SORBS3: variants seen among roughly 807,000 people sequenced by gnomAD.
The protein encoded by SORBS3 is vinexin.
A neutral mutation model predicts 98.0 loss-of-function variants in SORBS3; 69 were observed. The observed-to-expected ratio is 0.70, with a 90% CI of 0.58 to 0.86. The LOEUF (loss-of-function observed/expected upper bound fraction) is 0.86. Among genes scored for constraint, SORBS3 ranks in the 40% least tolerant of loss-of-function variants. SORBS3 has a pLI of 0.00. For synonymous variants in SORBS3, 394 were observed against 355.4 expected, an observed-to-expected ratio of 1.11 and a Z score of -1.22; for missense variants, 954 against 908.5, an observed-to-expected ratio of 1.05 and a Z score of -0.64.
chr8:22,561,656 G>A, intron 6 of SORBS3: 1 of 617,486 alleles, frequency 1.6e-6, no homozygotes, highest in Non-Finnish European at 2.9e-6. Flanking sequence ...CCTACTCGGA[G>A]TTGTTTTGAA....
Position 22,570,957 on chromosome 8 carries a change from G to A in SORBS3, c.1479G>A (p.Glu493=), listed in dbSNP as rs745635824. 17 of 1,612,896 alleles carry A rather than the reference G, an allele frequency of 1.1e-5. No homozygotes were observed. The African/African-American group carries it at 1.9e-4, about 18-fold the overall frequency. The change falls in exon 18 of 21, where the codon GAG becomes GAA. Residue 493 remains glutamate (E), a synonymous_variant. Transcript: ENST00000240123. ...LIRKVNENWY[E]GRITGTGRQG... is the part of the protein sequence containing the mutation. ...GCAAGGTGAACGAGAACTGGTACGA[G>A]GGACGCATCACGGGCACGGGGCGCC...
In SORBS3 at chr8:22,554,388, G is replaced by A. The variant is rs1586889074; in HGVS notation, c.-55-64G>A. Reference sequence around the variant, plus strand: ...GCCCCTCCTCCCCTATCCCAGGGTCGAGCCAAGAGGGCATGGGCAGCCTAG... The same window carrying A: ...GCCCCTCCTCCCCTATCCCAGGGTCAAGCCAAGAGGGCATGGGCAGCCTAG... On this transcript the variant is annotated intron_variant, in intron 1 of 20. Transcript: ENST00000240123. This position sits in a 1 kb window ranked among gnomAD's most constrained non-coding sequence, Gnocchi z 6.5. The A allele has an allele frequency of 6.8e-7, 1 of 1,460,178 alleles. No individual in the cohort carries two copies. The highest frequency in any genetic ancestry group is 9.0e-7 in the Non-Finnish European group (1 of 1,108,684). The allele number at this position is 1,460,178 out of a possible 1,614,324, so 90.5% of individuals were successfully genotyped here.
Position 22,569,289 on chromosome 8 carries a change from G to T in SORBS3, c.1431+16G>T. The T allele has an allele frequency of 6.4e-7, 1 of 1,573,944 alleles. No individual in the cohort carries two copies. On this transcript the variant is annotated intron_variant, in intron 17 of 20. Transcript: ENST00000240123. ...CTTCCGCAAGGTGGGCCAGGCCGGA[G>T]ACGGAGGGGTGGGTGGGGGCAGGTG...
chr8:22,563,920 C>G (rs1222283495), intron 7 of SORBS3, 67 bp from the exon 8 acceptor site: 1 of 1,200,416 alleles, frequency 8.3e-7, no homozygotes, highest in Admixed American at 1.7e-5. Context: ...GGTGAGAGGG[C>G]TGTGTGCTGG....
chr8:22,552,969 T>C (rs2117206565), intron 1 of SORBS3, among the ~76,000 whole-genome samples: 1 of 152,228 alleles, frequency 6.6e-6, no homozygotes, highest in South Asian at 2.1e-4. Context: ...AGAAGAGCTG[T>C]GTCGCAGCAA....
intron 4 of SORBS3, 144 bp downstream of exon 4, chr8:22,557,052 T>A: frequency 1.1e-6 from 1 of 931,134 alleles, no homozygotes; most frequent in Non-Finnish European, 1.6e-6. Flanking sequence ...CGTGGTGGGG[T>A]TCAGCGGCTG....
Position 22,554,546 on chromosome 8 carries a change from C to T in SORBS3, c.40C>T (p.Leu14=). 6.2e-7 allele frequency: 1 copy of T among 1,612,966 alleles called. No individual in the cohort carries two copies. The highest frequency in any genetic ancestry group is 1.7e-5 in the Admixed American group (1 of 60,014). ...PPRSLRAGLS[L]DDFIPGHLQS... The stretch of plus-strand genomic sequence containing the variant: ...CCGCAGCCTCCGCGCTGGGCTCAGC[C>T]TGGACGACTTCATCCCTGGCCACCT... Residue 14 remains leucine, a synonymous_variant, in exon 2 of 21, where the codon CTG becomes TTG. Transcript: ENST00000240123. The surrounding 1 kb of genome is among the most constrained non-coding windows in gnomAD (Gnocchi z 6.5).
At chr8:22,565,674 G>A (rs1840394285) in intron 11 of SORBS3, 152 bp from the exon 12 acceptor site, 15 of 1,203,346 alleles carry the variant, frequency 1.2e-5, no homozygotes, top group Non-Finnish European at 1.5e-5. Context: ...TTCCCGCCCC[G>A]CTCCCGGGAT....
chr8:22,572,617 CT>C lies in SORBS3; in HGVS notation c.1954+173del, dbSNP rs539330443. Reference sequence around the variant, plus strand: ...ACCCGATGCTTCCCCAAAGCCAGCCCTTCTGTTGGCTGCCTTCCTTCATGAA... The same window carrying C: ...ACCCGATGCTTCCCCAAAGCCAGCCCTCTGTTGGCTGCCTTCCTTCATGAA... On this transcript the variant is annotated intron_variant, in intron 20 of 20. Coordinates refer to ENST00000240123, the MANE Select transcript of SORBS3 (RefSeq NM_005775.5). Among the ~76,000 whole-genome samples, 20 of 152,360 alleles carry C rather than the reference CT, an allele frequency of 1.3e-4. No homozygotes were observed. The South Asian group carries it at 4.1e-3, about 32-fold the overall frequency.
upstream of SORBS3, among the ~76,000 whole-genome samples, chr8:22,548,411 C>A (rs1399879488): frequency 1.3e-5 from 2 of 152,196 alleles, no homozygotes; most frequent in Non-Finnish European, 2.9e-5. Context: ...GGTTTCAATT[C>A]CTCACCATTG....
intron 20 of SORBS3, among the ~76,000 whole-genome samples, chr8:22,574,161 C>T (rs1010261836): frequency 9.3e-5 from 14 of 150,920 alleles, no homozygotes; most frequent in African/African-American, 3.5e-4. Context: ...GATGCTTTGC[C>T]CGCTGGGGTT....
intron 5 of SORBS3, among the ~76,000 whole-genome samples, chr8:22,560,288 T>A (rs895281446): frequency 1.3e-5 from 2 of 151,936 alleles, no homozygotes; most frequent in Non-Finnish European, 2.9e-5. Flanking sequence ...CAAGTCCAGC[T>A]TGGGCAACAT....
chr8:22,558,193 GT>G lies in SORBS3; in HGVS notation c.478+2del. On this transcript the variant is annotated splice_donor_variant, in intron 5 of 20. Transcript: ENST00000240123. LOFTEE classifies it high-confidence loss of function. ...CAGCAGATTCACCGGAAAATGCCAGGTAAGATACCCTTCCAGGGCCCTCTCC... is the reference window on the plus strand; with the variant it reads ...CAGCAGATTCACCGGAAAATGCCAGGAAGATACCCTTCCAGGGCCCTCTCC... 6.2e-7 allele frequency: 1 copy of G among 1,614,056 alleles called. No homozygotes were observed.
rs1429801445 is a variant in SORBS3 at position 22,564,033 on chromosome 8, T to TACAG, written c.634_637dup (p.Pro213GlnfsTer54). 6.2e-7 allele frequency: 1 copy of TACAG among 1,613,992 alleles called. No homozygotes were observed. The highest frequency in any genetic ancestry group is 1.1e-5 in the South Asian group (1 of 91,088). ...AGAGTTACCTAGAAGCACCTTCAAC[T>TACAG]ACAGACCTGGAGCATTCTCCACTGT... On this transcript the variant is annotated frameshift_variant, in exon 8 of 21. Transcript: ENST00000240123. LOFTEE classifies it high-confidence loss of function.
upstream of SORBS3, chr8:22,549,766 G>A (rs1178814803): frequency 1.3e-5 from 2 of 153,664 alleles, no homozygotes; most frequent in Admixed American, 1.3e-4. Flanking sequence ...CTCAACGCCC[G>A]ATTCCCATAG....
At chr8:22,561,541 G>T in intron 6 of SORBS3, 168 bp downstream of exon 6, 1 of 715,600 alleles carries the variant, frequency 1.4e-6, no homozygotes, top group Middle Eastern at 2.4e-4. Context: ...CCCCCGGTAG[G>T]TGGTAATTAA....
intron 19 of SORBS3, 37 bp from the exon 20 acceptor site, chr8:22,572,303 G>A (rs758031890): frequency 6.4e-7 from 1 of 1,561,666 alleles, no homozygotes; most frequent in Admixed American, 1.7e-5. Flanking sequence ...AGAGCCTCTG[G>A]GCCCATTCTC....
chr8:22,554,569 C>A lies in SORBS3; in HGVS notation c.63C>A (p.His21Gln). Residue 21 changes from histidine (H) to glutamine (Q), a missense_variant, in exon 2 of 21, where the codon CAC becomes CAA. By Grantham distance (24) the His-to-Gln change is conservative. Transcript: ENST00000240123. This position sits in a 1 kb window ranked among gnomAD's most constrained non-coding sequence, Gnocchi z 6.5. ...GLSLDDFIPGHLQSHIGSSSR... is the reference protein window; with the variant it reads ...GLSLDDFIPGQLQSHIGSSSR... The stretch of plus-strand genomic sequence containing the variant: ...GCCTGGACGACTTCATCCCTGGCCA[C>A]CTCCAGTCCCACATAGGGTCTTCCT... 1 of 1,613,004 alleles carries A rather than the reference C, an allele frequency of 6.2e-7. No individual in the cohort carries two copies. The highest frequency in any genetic ancestry group is 8.5e-7 in the Non-Finnish European group (1 of 1,179,992).
chr8:22,567,507 C>T (rs1365499058), intron 16 of SORBS3, among the ~76,000 whole-genome samples: 6 of 152,168 alleles, frequency 3.9e-5, no homozygotes, highest in East Asian at 1.9e-4. Context: ...GGGAAGTGTG[C>T]GACAGTTTAT....
Sources: gnomAD v4.1 joint callset for allele counts (sites outside exome capture counted in the v4.1 genomes callset) on GRCh38, gnomAD v4.1.1 for gene constraint, Gnocchi (gnomAD v3.1) non-coding constraint, MANE v1.5 for transcripts, NCBI Gene and HGNC (gene_info 2026-07-23, HGNC 2026-07-21) for gene names.